The following LCA5 variants were observed in gnomAD, a reference collection of about 807,000 sequenced individuals.
LCA5 encodes lebercilin LCA5.
Under a neutral mutation model 53.0 loss-of-function variants are expected in LCA5, and 37 were observed. The ratio of observed to expected loss-of-function variants is 0.70; its 90% CI spans 0.54 to 0.92. LCA5 has a LOEUF of 0.92. Among genes scored for constraint, LCA5 ranks in the 40% least tolerant of loss-of-function variants. The pLI, the probability that LCA5 is intolerant of heterozygous loss-of-function variation, is 0.00. For missense variants in LCA5, 806 were observed against 790.5 expected (o/e 1.02, Z -0.23); for synonymous variants, 303 against 282.9 (o/e 1.07, Z -0.71).
intron 1 of LCA5, among the ~76,000 whole-genome samples, chr6:79,526,337 G>A (rs1190466252): frequency 6.6e-6 from 1 of 152,092 alleles, no homozygotes; most frequent in Non-Finnish European, 1.5e-5. Flanking sequence ...AAGGTCAGGA[G>A]ATGGAGACCA....
rs752089159 is a variant in LCA5 at position 79,518,844 on chromosome 6, G to A, written c.51C>T (p.Gly17=). The A allele has an allele frequency of 6.2e-7, 1 of 1,614,110 alleles. No homozygotes were observed. Among genetic ancestry groups the A allele is most frequent in the South Asian group, 1.1e-5 (1 of 91,080 alleles). Residue 17 remains glycine, a synonymous_variant, in exon 2 of 8, where the codon GGC becomes GGT. Transcript: ENST00000369846. ...SPGTDQERKA[G]KHHYSYLSDF... Reference sequence around the variant, plus strand: ...CAGATAAGTAAGAATAATGGTGTTTGCCTGCCTTTCTTTCTTGATCAGTAC... The same window carrying A: ...CAGATAAGTAAGAATAATGGTGTTTACCTGCCTTTCTTTCTTGATCAGTAC...
intron 2 of LCA5, 47 bp from the exon 3 acceptor site, chr6:79,513,788 C>T: frequency 6.4e-7 from 1 of 1,574,660 alleles, no homozygotes; most frequent in Non-Finnish European, 8.7e-7. Context: ...GTACCAAACA[C>T]AGTGTTATTT....
intron 1 of LCA5, among the ~76,000 whole-genome samples, chr6:79,524,194 C>G (rs1766714391): frequency 6.6e-6 from 1 of 152,206 alleles, no homozygotes; most frequent in Non-Finnish European, 1.5e-5. Context: ...CAACTACATT[C>G]TAGACCTATT....
chr6:79,525,204 TG>T (rs2127686622), intron 1 of LCA5: 1 of 152,330 alleles, frequency 6.6e-6, no homozygotes, highest in Admixed American at 6.5e-5. Flanking sequence ...TTCTTTATCT[TG>T]GGCTTTTTAT....
At chr6:79,509,884 G>C (rs1344764640) in intron 3 of LCA5, among the ~76,000 whole-genome samples, 4 of 152,136 alleles carry the variant, frequency 2.6e-5, no homozygotes, top group Non-Finnish European at 5.9e-5. Flanking sequence ...CATACTATGT[G>C]CAAGATTGGA....
At chr6:79,494,364 C>T (rs1034841955) in intron 3 of LCA5, among the ~76,000 whole-genome samples, 1 of 152,072 alleles carries the variant, frequency 6.6e-6, no homozygotes. Flanking sequence ...AAACAATAGC[C>T]ATTTCCATCC....
chr6:79,531,152 T>G (rs1766948596), intron 1 of LCA5, among the ~76,000 whole-genome samples: 1 of 152,152 alleles, frequency 6.6e-6, no homozygotes, highest in Non-Finnish European at 1.5e-5. Context: ...TTGAGTGACC[T>G]ACTCAATATT....
At chr6:79,527,934 G>A (rs1766839086) in intron 1 of LCA5, among the ~76,000 whole-genome samples, 1 of 152,108 alleles carries the variant, frequency 6.6e-6, no homozygotes, top group African/African-American at 2.4e-5. Context: ...AACCCTAAAA[G>A]GGTAAAAATA....
In LCA5 at chr6:79,493,608, C is replaced by T. The variant is rs200302979; in HGVS notation, c.858+5G>A. ...ATGGAAAACAATGCAATTTAAAATA[C>T]TTACCTTTAATTTGTGATATAGTCG... On this transcript the variant is annotated splice_donor_5th_base_variant and intron_variant, in intron 4 of 7. Transcript: ENST00000369846. 6.2e-7 allele frequency: 1 copy of T among 1,610,850 alleles called. No homozygotes were observed. The highest frequency in any genetic ancestry group is 8.5e-7 in the Non-Finnish European group (1 of 1,177,300).
chr6:79,532,637 C>T (rs1766990188), intron 1 of LCA5, among the ~76,000 whole-genome samples: 1 of 152,152 alleles, frequency 6.6e-6, no homozygotes, highest in Non-Finnish European at 1.5e-5. Flanking sequence ...GGTTCCTTCT[C>T]TTCTTCCTGT....
At chr6:79,518,528 AC>A (rs1005396214) in intron 2 of LCA5, among the ~76,000 whole-genome samples, 176 bp downstream of exon 2, 39 of 152,304 alleles carry the variant, frequency 2.6e-4, no homozygotes, top group African/African-American at 8.4e-4. Flanking sequence ...ATTTAATAGT[AC>A]CATCAAGCAA....
In LCA5 at chr6:79,525,101, T is replaced by G. The variant is rs556916897; in HGVS notation, c.-191-6016A>C. 16 of 152,292 alleles carry G rather than the reference T, an allele frequency of 1.1e-4. 1 individual carries two copies. The South Asian group carries it at 3.1e-3, about 30-fold the overall frequency. The allele number at this position is 152,292 out of a possible 1,614,324, so 9.4% of individuals were successfully genotyped here. A position where few individuals can be genotyped will look rare whatever the true frequency, so the allele number is the denominator to read the frequency against. ...TCTCGCATTACTGAGGTAATATATT[T>G]TTTTCTCTGAGTATACTACATAAAC... On this transcript the variant is annotated intron_variant, in intron 1 of 7. Coordinates refer to ENST00000369846, the MANE Select transcript of LCA5 (RefSeq NM_001122769.3).
chr6:79,496,232 T>C (rs1769980105), intron 3 of LCA5, among the ~76,000 whole-genome samples: 1 of 152,248 alleles, frequency 6.6e-6, no homozygotes, highest in Non-Finnish European at 1.5e-5. Flanking sequence ...ACTTTTGTTT[T>C]GCGGATGTAT....
intron 3 of LCA5, among the ~76,000 whole-genome samples, chr6:79,505,271 A>G (rs926494423): frequency 6.6e-6 from 1 of 152,224 alleles, no homozygotes; most frequent in Non-Finnish European, 1.5e-5. Context: ...TAATTTCATT[A>G]TAAATCTTCT....
intron 3 of LCA5, among the ~76,000 whole-genome samples, chr6:79,504,076 G>T (rs1770214187): frequency 6.6e-6 from 1 of 152,036 alleles, no homozygotes; most frequent in African/African-American, 2.4e-5. Flanking sequence ...CACAAGAAAG[G>T]CCAATTTAAT....
intron 2 of LCA5, 46 bp from the exon 3 acceptor site, chr6:79,513,787 A>G: frequency 6.3e-7 from 1 of 1,576,894 alleles, no homozygotes. Flanking sequence ...TGTACCAAAC[A>G]CAGTGTTATT....
intron 1 of LCA5, among the ~76,000 whole-genome samples, chr6:79,526,632 C>CA (rs1766799287): frequency 6.6e-6 from 1 of 152,138 alleles, no homozygotes; most frequent in African/African-American, 2.4e-5. Flanking sequence ...CCCTTTACCT[C>CA]AAAGGGTGTT....
In LCA5 at chr6:79,498,039, T is replaced by C. The variant is rs572232449; in HGVS notation, c.721-4289A>G. ...GACAGTAGATTAGAGGAAATCATTATATAAGTGTAAATCATAGTATAACCA... is the reference window on the plus strand; with the variant it reads ...GACAGTAGATTAGAGGAAATCATTACATAAGTGTAAATCATAGTATAACCA... On this transcript the variant is annotated intron_variant, in intron 3 of 7. Transcript: ENST00000369846. Among the ~76,000 whole-genome samples, 9 of 151,934 alleles carry C rather than the reference T, an allele frequency of 5.9e-5. No homozygotes were observed. In the South Asian group the frequency reaches 1.7e-3, roughly 28 times the overall value.
At chr6:79,509,049 T>C (rs1231982067) in intron 3 of LCA5, among the ~76,000 whole-genome samples, 1 of 152,066 alleles carries the variant, frequency 6.6e-6, no homozygotes, top group East Asian at 1.9e-4. Context: ...GGTTAAAAAG[T>C]AGAGAACAAT....
Sources: allele counts gnomAD v4.1 joint callset (sites outside exome capture counted in the v4.1 genomes callset), GRCh38; gene constraint gnomAD v4.1.1; transcripts MANE v1.5; gene names NCBI Gene and HGNC (gene_info 2026-07-23, HGNC 2026-07-21).